Variants in EMX2 observed in about 807,000 individuals in gnomAD.
The protein encoded by EMX2 is empty spiracles homeobox 2.
A neutral mutation model predicts 23.0 loss-of-function variants in EMX2; 6 were observed. The observed-to-expected ratio is 0.26, with a 90% CI of 0.14 to 0.52. EMX2 has a LOEUF of 0.52. Among genes scored for constraint, EMX2 ranks in the 20% least tolerant of loss-of-function variants. The pLI is 0.97. For synonymous variants in EMX2, 175 were observed against 153.3 expected, an observed-to-expected ratio of 1.14 and a Z score of -1.04; for missense variants, 302 against 341.4, an observed-to-expected ratio of 0.88 and a Z score of 0.91.
At chr10:117,544,320 C>T (rs1204356462) in intron 1 of EMX2, 1 of 151,626 alleles carries the variant, frequency 6.6e-6, no homozygotes, top group Non-Finnish European at 1.5e-5. Flanking sequence ...TTAATTGGGG[C>T]GCCGAGCAGC....
chr10:117,544,187 C>T (rs1385660200), intron 1 of EMX2: 3 of 179,464 alleles, frequency 1.7e-5, no homozygotes, highest in Non-Finnish European at 3.5e-5. Context: ...CGAGAGGATC[C>T]TCGCGCCCCG....
rs1405020045 is a variant in EMX2, at chr10:117,543,202, C to A, written c.-66C>A. ...GTCCGTCCTCGCCGCGGGCAGCGGG[C>A]GGCGGAGGCAGCGTGCGGCGGTCGC... On this transcript the variant is annotated 5_prime_UTR_variant, in exon 1 of 3. Transcript: ENST00000553456. The A allele has an allele frequency of 2.5e-6, 3 of 1,199,084 alleles. No homozygotes were observed. The highest frequency in any genetic ancestry group is 1.6e-5 in the South Asian group (1 of 62,978). The allele number at this position is 1,199,084 out of a possible 1,614,324, so 74.3% of individuals were successfully genotyped here. A position where few individuals can be genotyped will look rare whatever the true frequency, so the allele number is the denominator to read the frequency against.
Position 117,543,627 on chromosome 10 carries a change from C to T in EMX2, c.360C>T (p.Tyr120=), listed in dbSNP as rs1589648112. Residue 120 remains tyrosine, a synonymous_variant, in exon 1 of 3, where the codon TAC becomes TAT. Coordinates refer to ENST00000553456, the MANE Select transcript of EMX2 (RefSeq NM_004098.4). ...AGCAGCGGGATCCGTCCACCTTCTA[C>T]CCCTGGCTCATCCACCGCTACCGAT... ...ASQQRDPSTF[Y]PWLIHRYRYL... The T allele has an allele frequency of 1.5e-5, 24 of 1,613,588 alleles. No homozygotes were observed. The highest frequency in any genetic ancestry group is 2.2e-5 in the South Asian group (2 of 91,080).
At chr10:117,545,540 A>C in intron 1 of EMX2, 92 bp from the exon 2 acceptor site, 1 of 1,532,656 alleles carries the variant, frequency 6.5e-7, no homozygotes, top group East Asian at 2.3e-5. Context: ...GAAGGCCCTG[A>C]GCACGGTGCC....
chr10:117,545,693 G>A lies in EMX2; in HGVS notation c.468G>A (p.Arg156=), dbSNP rs1446153240. 3 of 1,614,036 alleles carry A rather than the reference G, an allele frequency of 1.9e-6. No homozygotes were observed. Among genetic ancestry groups the A allele is most frequent in the Non-Finnish European group, 2.5e-6 (3 of 1,180,048 alleles). ...LHNALARKPK[R]IRTAFSPSQL... ...ACGCGCTGGCCCGAAAGCCCAAGCG[G>A]ATCCGAACCGCCTTCTCCCCGTCCC... Residue 156 remains arginine (R), a synonymous_variant, in exon 2 of 3, where the codon CGG becomes CGA. Transcript: ENST00000553456.
chr10:117,547,553 G>A (rs1484956593), intron 2 of EMX2, among the ~76,000 whole-genome samples: 1 of 152,160 alleles, frequency 6.6e-6, no homozygotes, highest in Non-Finnish European at 1.5e-5. Context: ...CCGCCACGAA[G>A]AGGAGACGCT....
chr10:117,543,547 C>T lies in EMX2; in HGVS notation c.280C>T (p.Leu94=). ...PVHPVPPPHA[L]AAHPLPSSHS... ...GCACCCGGTGCCGCCGCCGCACGCC[C>T]TGGCCGCCCACCCCCTACCCTCCTC... is the stretch of plus-strand genomic sequence containing the variant. Residue 94 remains leucine, a synonymous_variant, in exon 1 of 3, where the codon CTG becomes TTG. Transcript: ENST00000553456. The T allele has an allele frequency of 6.2e-7, 1 of 1,612,020 alleles. No individual in the cohort carries two copies. The highest frequency in any genetic ancestry group is 2.2e-5 in the East Asian group (1 of 44,772).
rs1453772502 is a variant in EMX2, at chr10:117,543,645, C to G, written c.378C>G (p.Arg126=). ...PSTFYPWLIH[R]YRYLGHRFQG... is the part of the protein sequence containing the mutation. Reference sequence around the variant, plus strand: ...CCTTCTACCCCTGGCTCATCCACCGCTACCGATATCTGGGTCATCGCTTCC... The same window carrying G: ...CCTTCTACCCCTGGCTCATCCACCGGTACCGATATCTGGGTCATCGCTTCC... The change falls in exon 1 of 3, where the codon CGC becomes CGG. Residue 126 remains arginine, a synonymous_variant. Coordinates refer to ENST00000553456, the MANE Select transcript of EMX2 (RefSeq NM_004098.4). 1.7e-5 allele frequency: 27 copies of G among 1,613,552 alleles called. No homozygotes were observed. Among genetic ancestry groups the G allele is most frequent in the Non-Finnish European group, 2.1e-5 (25 of 1,179,748 alleles).
Position 117,548,351 on chromosome 10 carries a change from G to T in EMX2, c.*119G>T, listed in dbSNP as rs989087108. 2 of 1,439,972 alleles carry T rather than the reference G, an allele frequency of 1.4e-6. No homozygotes were observed. The highest frequency in any genetic ancestry group is 1.9e-6 in the Non-Finnish European group (2 of 1,067,154). The allele number at this position is 1,439,972 out of a possible 1,614,324, so 89.2% of individuals were successfully genotyped here. On this transcript the variant is annotated 3_prime_UTR_variant, in exon 3 of 3. Coordinates refer to ENST00000553456, the MANE Select transcript of EMX2 (RefSeq NM_004098.4). ...CCGCATACACGTTCACCGAGAAAGG[G>T]AGAGGGAATCGGAGGGAGCAGCGGA...
intron 2 of EMX2, among the ~76,000 whole-genome samples, chr10:117,547,536 A>T (rs1363427135): frequency 6.6e-6 from 1 of 152,060 alleles, no homozygotes; most frequent in Non-Finnish European, 1.5e-5. Context: ...TCGCCTACCC[A>T]GGGCCCCCGC....
chr10:117,547,218 T>C (rs1846590725), intron 2 of EMX2, among the ~76,000 whole-genome samples: 1 of 152,010 alleles, frequency 6.6e-6, no homozygotes, highest in South Asian at 2.1e-4. Flanking sequence ...AGCCCCACCC[T>C]GGTGGGAAGT....
rs558986408 is a variant in EMX2, at chr10:117,549,245, C to T, written c.*1013C>T. On this transcript the variant is annotated 3_prime_UTR_variant, in exon 3 of 3. Coordinates refer to ENST00000553456, the MANE Select transcript of EMX2 (RefSeq NM_004098.4). The stretch of plus-strand genomic sequence containing the variant: ...GAGAAATTGGCCGAGTTCAACCATT[C>T]ACTGCAATGCCTATTCCAAACTTTA... The T allele has an allele frequency of 6.5e-6, 1 of 152,754 alleles. No homozygotes were observed. Among genetic ancestry groups the T allele is most frequent in the African/African-American group, 2.4e-5 (1 of 41,554 alleles). 9.5% of individuals were successfully genotyped at this position (152,754 alleles called of 1,614,324 possible).
chr10:117,543,620 C>T lies in EMX2; in HGVS notation c.353C>T (p.Thr118Ile). 6.2e-7 allele frequency: 1 copy of T among 1,613,626 alleles called. No homozygotes were observed. Residue 118 changes from threonine (T) to isoleucine (I), a missense_variant, in exon 1 of 3, where the codon ACC becomes ATC. By Grantham distance (89) the Thr-to-Ile change is moderately conservative. Around this residue, in one of 4 missense-constraint regions of EMX2, gnomAD observed 221 missense variants for 206.8 expected, o/e 1.07. Coordinates refer to ENST00000553456, the MANE Select transcript of EMX2 (RefSeq NM_004098.4). ...LFASQQRDPSTFYPWLIHRYR... is the reference protein window; with the variant it reads ...LFASQQRDPSIFYPWLIHRYR... ...GCCTCGCAGCAGCGGGATCCGTCCA[C>T]CTTCTACCCCTGGCTCATCCACCGC...
intron 1 of EMX2, among the ~76,000 whole-genome samples, chr10:117,544,010 G>GC: frequency 6.6e-6 from 1 of 152,200 alleles, no homozygotes; most frequent in African/African-American, 2.4e-5. Flanking sequence ...GGATCCCCAG[G>GC]CTCCTGGTAC....
chr10:117,546,259 C>T (rs1215762132), intron 2 of EMX2, among the ~76,000 whole-genome samples: 4 of 152,176 alleles, frequency 2.6e-5, no homozygotes, highest in Admixed American at 2.6e-4. Flanking sequence ...ACACCGTCGG[C>T]TCCAGTGACT....
intron 2 of EMX2, among the ~76,000 whole-genome samples, chr10:117,547,498 C>T (rs936065988): frequency 6.6e-6 from 1 of 152,160 alleles, no homozygotes; most frequent in South Asian, 2.1e-4. Flanking sequence ...GTCCCCCGCA[C>T]GGAGGATGCA....
chr10:117,547,109 C>A (rs1208582048), intron 2 of EMX2, among the ~76,000 whole-genome samples: 1 of 152,144 alleles, frequency 6.6e-6, no homozygotes, highest in Non-Finnish European at 1.5e-5. Flanking sequence ...AAATGAGGAC[C>A]CACGACTCAG....
intron 1 of EMX2, among the ~76,000 whole-genome samples, chr10:117,544,004 C>A (rs1846537869): frequency 6.6e-6 from 1 of 151,460 alleles, no homozygotes; most frequent in Non-Finnish European, 1.5e-5. Context: ...CCCGCGGGAT[C>A]CCCAGGCTCC....
At chr10:117,544,021 C>A (rs1846538571) in intron 1 of EMX2, among the ~76,000 whole-genome samples, 1 of 152,224 alleles carries the variant, frequency 6.6e-6, no homozygotes, top group Admixed American at 6.5e-5. Context: ...CTCCTGGTAC[C>A]CTCGGCAATG....
Sources: gnomAD v4.1 joint callset for allele counts (sites outside exome capture counted in the v4.1 genomes callset) on GRCh38, gnomAD v4.1.1 for gene constraint, gnomAD v4.1.1 regional missense constraint, MANE v1.5 for transcripts, NCBI Gene and HGNC (gene_info 2026-07-23, HGNC 2026-07-21) for gene names.